The following ZNF37A variants were observed in gnomAD, a reference collection of about 807,000 sequenced individuals.
The protein encoded by ZNF37A is zinc finger protein 37A.
ZNF37A carries 10 observed loss-of-function variants against 12.3 expected under a neutral mutation model. That is an observed-to-expected ratio of 0.82 (90% CI 0.50 to 1.38). ZNF37A has a LOEUF of 1.38. Among genes scored for constraint, ZNF37A ranks in the 40% most tolerant of loss-of-function variants. ZNF37A has a pLI of 0.00. For synonymous variants in ZNF37A, 207 were observed against 223.0 expected (o/e 0.93, Z 0.64); for missense variants, 580 against 651.2 (o/e 0.89, Z 1.19).
In ZNF37A at chr10:38,107,423, G is replaced by A. The variant is rs767070980; in HGVS notation, c.16-7332G>A. Among the ~76,000 whole-genome samples the A allele has an allele frequency of 5.3e-5, 8 of 152,214 alleles. No individual in the cohort carries two copies. In the East Asian group the frequency reaches 1.2e-3, roughly 22 times the overall value. On this transcript the variant is annotated intron_variant, in intron 5 of 7. Coordinates refer to ENST00000685332, the MANE Select transcript of ZNF37A (RefSeq NM_001324250.3). ...AACATACCAAATTGTAAAGACCATC[G>A]ATACTATGAAAAAACTGCATCAACT...
At chr10:38,134,482 T>C (rs1413761813) in intron 7 of ZNF37A, among the ~76,000 whole-genome samples, 1 of 152,246 alleles carries the variant, frequency 6.6e-6, no homozygotes, top group Non-Finnish European at 1.5e-5. Context: ...GGTGTGGATG[T>C]CCTTTCTGTT....
chr10:38,141,737 T>C (rs1313297668), intron 7 of ZNF37A: 1 of 152,200 alleles, frequency 6.6e-6, no homozygotes, highest in Non-Finnish European at 1.5e-5. Flanking sequence ...AAAGGCATAT[T>C]GAAACCATCC....
downstream of ZNF37A, among the ~76,000 whole-genome samples, chr10:38,128,793 G>A (rs1364647393): frequency 5.3e-5 from 8 of 151,986 alleles, no homozygotes; most frequent in Non-Finnish European, 8.8e-5. Context: ...TAGCTTTATC[G>A]CCCAGGCTGG....
At chr10:38,125,284 A>T (rs926214965), downstream of ZNF37A, 4 of 151,938 alleles carry the variant, frequency 2.6e-5, no homozygotes, top group African/African-American at 9.7e-5. Flanking sequence ...GTAATGGACT[A>T]AAAAAAATAC....
At chr10:38,136,783 G>GT (rs986081256) in intron 7 of ZNF37A, among the ~76,000 whole-genome samples, 3 of 152,068 alleles carry the variant, frequency 2.0e-5, no homozygotes, top group African/African-American at 7.2e-5. Context: ...TGCTACATAT[G>GT]TTTGTTTGTT....
chr10:38,114,484 T>C (rs959272076), intron 5 of ZNF37A, among the ~76,000 whole-genome samples: 4 of 152,148 alleles, frequency 2.6e-5, no homozygotes, highest in East Asian at 1.9e-4. Context: ...TGTGTTCAAA[T>C]TGGAATACTC....
At chr10:38,112,841 CTT>C (rs1339867676) in intron 5 of ZNF37A, among the ~76,000 whole-genome samples, 1 of 126,560 alleles carries the variant, frequency 7.9e-6, no homozygotes, top group African/African-American at 3.0e-5. Context: ...GAGTTTCACT[CTT>C]TTTGCCCAGG....
chr10:38,145,801 G>C (rs1239728975), intron 7 of ZNF37A, among the ~76,000 whole-genome samples: 2 of 152,152 alleles, frequency 1.3e-5, no homozygotes, highest in Non-Finnish European at 2.9e-5. Context: ...CTCAAGAGGA[G>C]ACTAAAGACT....
intron 5 of ZNF37A, among the ~76,000 whole-genome samples, chr10:38,108,851 C>A (rs1173360019): frequency 6.6e-6 from 1 of 152,024 alleles, no homozygotes; most frequent in Non-Finnish European, 1.5e-5. Flanking sequence ...AATAGCCTAC[C>A]AACCAAAAAT....
At chr10:38,149,792 A>C (rs1345905544) in exon 8 of ZNF37A, 2 of 151,794 alleles carry the variant, frequency 1.3e-5, no homozygotes, top group East Asian at 3.9e-4. Context: ...AGCCAGGATG[A>C]TCTCAATCTC....
chr10:38,102,300 G>A (rs554324451), intron 5 of ZNF37A, among the ~76,000 whole-genome samples: 17 of 151,358 alleles, frequency 1.1e-4, no homozygotes, highest in Middle Eastern at 3.4e-3. Flanking sequence ...TTTTTCTAAC[G>A]TGCCATTTTA....
chr10:38,135,361 G>A (rs1237424382), intron 7 of ZNF37A, among the ~76,000 whole-genome samples: 2 of 152,184 alleles, frequency 1.3e-5, no homozygotes, highest in African/African-American at 2.4e-5. Context: ...ACTTCAGCCT[G>A]GTGACAGAGT....
intron 5 of ZNF37A, 22 bp downstream of exon 5, chr10:38,096,654 C>T (rs747712043): frequency 1.3e-5 from 21 of 1,610,762 alleles, no homozygotes; most frequent in East Asian, 2.2e-5. Flanking sequence ...ATTTTTTCAC[C>T]GTTTTGCTTA....
chr10:38,104,943 C>G (rs758044785), intron 5 of ZNF37A, among the ~76,000 whole-genome samples: 12 of 152,000 alleles, frequency 7.9e-5, no homozygotes, highest in Non-Finnish European at 1.2e-4. Context: ...AGTGAGAAAC[C>G]AGGCTATACC....
chr10:38,119,852 A>G lies in ZNF37A; in HGVS notation c.*1015A>G, dbSNP rs2069588740. 1 of 152,178 alleles carries G rather than the reference A, an allele frequency of 6.6e-6. No homozygotes were observed. The highest frequency in any genetic ancestry group is 1.5e-5 in the Non-Finnish European group (1 of 68,034). The allele number at this position is 152,178 out of a possible 1,614,324, so 9.4% of individuals were successfully genotyped here. A position where few individuals can be genotyped will look rare whatever the true frequency, so the allele number is the denominator to read the frequency against. On this transcript the variant is annotated 3_prime_UTR_variant, in exon 8 of 8. Transcript: ENST00000685332. ...AGCCCACCAGCAGGATTTTTGAATA[A>G]TCCTAGGGCAGACTAAATTCAGACG...
chr10:38,116,709 C>T (rs141046162), intron 7 of ZNF37A, among the ~76,000 whole-genome samples: 1 of 152,312 alleles, frequency 6.6e-6, no homozygotes, highest in East Asian at 1.9e-4. Context: ...GCAAATCCCA[C>T]AGCTGGAATA....
Position 38,118,185 on chromosome 10 carries a change from A to AC in ZNF37A, c.1034_1035insC (p.Gln346SerfsTer11). On this transcript the variant is annotated frameshift_variant, in exon 8 of 8. Transcript: ENST00000685332. LOFTEE classifies it low-confidence loss of function (END_TRUNC). ...AGTGAAAAGTCAACCCTTACTCAAC[A>AC]TCAAAGAACGCACACAGGGGAGAAA... 1 of 1,614,104 alleles carries AC rather than the reference A, an allele frequency of 6.2e-7. No individual in the cohort carries two copies. Among genetic ancestry groups the AC allele is most frequent in the South Asian group, 1.1e-5 (1 of 91,082 alleles).
At chr10:38,144,436 C>A (rs2070226648) in intron 7 of ZNF37A, 1 of 152,144 alleles carries the variant, frequency 6.6e-6, no homozygotes, top group Non-Finnish European at 1.5e-5. Flanking sequence ...TACATGGGTA[C>A]ATTAATTTCT....
chr10:38,122,918 C>T lies in ZNF37A; in HGVS notation c.*4081C>T, dbSNP rs1325176484. On this transcript the variant is annotated 3_prime_UTR_variant, in exon 8 of 8. Transcript: ENST00000685332. ...TGTGAGATAATATTTGCAAACTATCCATCTGTATTAGGCCATTTTTGAAGT... is the reference window on the plus strand; with the variant it reads ...TGTGAGATAATATTTGCAAACTATCTATCTGTATTAGGCCATTTTTGAAGT... 3 of 152,112 alleles carry T rather than the reference C, an allele frequency of 2.0e-5. No homozygotes were observed. Among genetic ancestry groups the T allele is most frequent in the Non-Finnish European group, 4.4e-5 (3 of 68,038 alleles). 9.4% of individuals were successfully genotyped at this position (152,112 alleles called of 1,614,324 possible). A position where few individuals can be genotyped will look rare whatever the true frequency, so the allele number is the denominator to read the frequency against.
Sources: gnomAD v4.1 joint callset for allele counts (sites outside exome capture counted in the v4.1 genomes callset) on GRCh38, gnomAD v4.1.1 for gene constraint, MANE v1.5 for transcripts, NCBI Gene and HGNC (gene_info 2026-07-23, HGNC 2026-07-21) for gene names.